Variants in OR3A2 observed in about 807,000 individuals in gnomAD.
OR3A2 encodes olfactory receptor 3A2.
For missense variants in OR3A2, 318 were observed against 392.8 expected, an observed-to-expected ratio of 0.81 and a Z score of 1.61; for synonymous variants, 126 against 159.3, an observed-to-expected ratio of 0.79 and a Z score of 1.57.
intron 3 of OR3A2, chr17:3,310,908 C>T (rs748758706): frequency 1.7e-5 from 12 of 710,478 alleles, no homozygotes; most frequent in South Asian, 1.6e-4. Flanking sequence ...TCTCAATGGG[C>T]AGTTGCTGTT....
At chr17:3,357,650 A>T (rs1291578163) in intron 2 of OR3A2, among the ~76,000 whole-genome samples, 2 of 151,628 alleles carry the variant, frequency 1.3e-5, no homozygotes, top group East Asian at 3.9e-4. Context: ...TGATGGCTGC[A>T]GAACATTGTG....
At chr17:3,358,079 G>T (rs1243884479) in intron 2 of OR3A2, among the ~76,000 whole-genome samples, 2 of 151,520 alleles carry the variant, frequency 1.3e-5, no homozygotes, top group African/African-American at 2.4e-5. Flanking sequence ...TGTACTACTG[G>T]CAGGCTCATT....
intron 2 of OR3A2, among the ~76,000 whole-genome samples, chr17:3,358,970 T>A (rs1187521130): frequency 6.6e-6 from 1 of 151,754 alleles, no homozygotes; most frequent in Non-Finnish European, 1.5e-5. Flanking sequence ...TCCTGTGTTG[T>A]GTGCATATAT....
chr17:3,304,981 A>G (rs2048989657), intron 3 of OR3A2, among the ~76,000 whole-genome samples: 1 of 152,198 alleles, frequency 6.6e-6, no homozygotes. Flanking sequence ...AATCAGAACA[A>G]TAATTGTTTT....
chr17:3,348,701 G>C, intron 2 of OR3A2, among the ~76,000 whole-genome samples: 1 of 151,962 alleles, frequency 6.6e-6, no homozygotes, highest in Non-Finnish European at 1.5e-5. Flanking sequence ...TACTCCTCGA[G>C]AAGAGCAACT....
At chr17:3,364,478 A>T (rs2049546352) in intron 2 of OR3A2, among the ~76,000 whole-genome samples, 1 of 152,150 alleles carries the variant, frequency 6.6e-6, no homozygotes, top group Non-Finnish European at 1.5e-5. Context: ...CTTTTGACCA[A>T]TGCCCCCCAT....
intron 3 of OR3A2, among the ~76,000 whole-genome samples, chr17:3,301,718 G>T (rs1160887781): frequency 6.6e-6 from 1 of 152,026 alleles, no homozygotes; most frequent in East Asian, 1.9e-4. Flanking sequence ...GTCAATTTTG[G>T]CTTTTGTTGC....
At chr17:3,293,137 A>G (rs2048890418) in intron 3 of OR3A2, among the ~76,000 whole-genome samples, 1 of 145,120 alleles carries the variant, frequency 6.9e-6, no homozygotes. Context: ...TAAGAGTTAA[A>G]TGAGTATAAT....
intron 2 of OR3A2, among the ~76,000 whole-genome samples, chr17:3,376,217 T>A (rs536617708): frequency 6.6e-6 from 1 of 152,222 alleles, no homozygotes; most frequent in Non-Finnish European, 1.5e-5. Flanking sequence ...TGGCTTTAGA[T>A]TGTTGGCCCC....
At chr17:3,295,141 G>A (rs2048909302) in intron 3 of OR3A2, among the ~76,000 whole-genome samples, 1 of 151,944 alleles carries the variant, frequency 6.6e-6, no homozygotes, top group African/African-American at 2.4e-5. Flanking sequence ...ATCTCAAAAG[G>A]TAAAATGTTT....
chr17:3,337,996 G>A (rs1174766609), intron 2 of OR3A2, among the ~76,000 whole-genome samples: 1 of 152,158 alleles, frequency 6.6e-6, no homozygotes, highest in Admixed American at 6.5e-5. Flanking sequence ...ATCTCATTGT[G>A]GTTTTGATTT....
intron 2 of OR3A2, among the ~76,000 whole-genome samples, chr17:3,367,684 T>C (rs557529440): frequency 2.6e-5 from 4 of 151,234 alleles, no homozygotes; most frequent in Non-Finnish European, 4.4e-5. Flanking sequence ...ATTTTTGCAA[T>C]TGTGAATTGT....
intron 2 of OR3A2, among the ~76,000 whole-genome samples, chr17:3,357,785 T>C (rs1365359950): frequency 6.6e-6 from 1 of 151,712 alleles, no homozygotes; most frequent in African/African-American, 2.4e-5. Flanking sequence ...ACTCCTGGCC[T>C]GAAGCAATCC....
chr17:3,368,215 C>T (rs562593536), intron 2 of OR3A2, among the ~76,000 whole-genome samples: 52 of 152,248 alleles, frequency 3.4e-4, no homozygotes, highest in Non-Finnish European at 6.3e-4. Flanking sequence ...ATTTCTTTCG[C>T]GGTGCATAAG....
rs1429072041 is a variant in OR3A2 at position 3,306,694 on chromosome 17, A to AAAC, written c.-84-27542_-84-27541insGTT. On this transcript the variant is annotated intron_variant, in intron 3 of 4. Transcript: ENST00000573491. ...TACTACTCTTCAAAAAAAAAAAAAAAACCGTAACCCCTTTTATTTTCTCCA... is the reference window on the plus strand; with the variant it reads ...TACTACTCTTCAAAAAAAAAAAAAAAAACACCGTAACCCCTTTTATTTTCTCCA... Among the ~76,000 whole-genome samples, 131 of 118,244 alleles carry AAAC rather than the reference A, an allele frequency of 1.1e-3. 6 individuals are homozygous for AAAC. The highest frequency in any genetic ancestry group is 4.0e-3 in the African/African-American group (118 of 29,512). 77.6% of individuals were successfully genotyped at this position (118,244 alleles called of 152,430 possible). A position where few individuals can be genotyped will look rare whatever the true frequency, so the allele number is the denominator to read the frequency against.
At chr17:3,278,385 T>C (rs779210612) in exon 2 of OR3A2, 14 of 1,614,040 alleles carry the variant, frequency 8.7e-6, no homozygotes, top group East Asian at 4.5e-5. Flanking sequence ...GTAGAAGTGA[T>C]TGACCTCATT....
chr17:3,325,714 T>A (rs1452247993), intron 3 of OR3A2, among the ~76,000 whole-genome samples: 1 of 152,146 alleles, frequency 6.6e-6, no homozygotes, highest in Non-Finnish European at 1.5e-5. Flanking sequence ...CTCAGCCTTT[T>A]GGTTAAGATC....
chr17:3,343,364 G>C lies in OR3A2; in HGVS notation c.-178-7238C>G, dbSNP rs143042319. Among the ~76,000 whole-genome samples the C allele has an allele frequency of 3.9e-4, 60 of 152,290 alleles. No homozygotes were observed. The East Asian group carries it at 0.011, about 28-fold the overall frequency. ...CGATCATGCTGGAAGCTGTAGACCA[G>C]AGCTGTTCCTATTCAGCCATCTTGA... On this transcript the variant is annotated intron_variant, in intron 2 of 4. Transcript: ENST00000573491.
At chr17:3,298,458 GC>G (rs1248393244) in intron 3 of OR3A2, 2 of 152,200 alleles carry the variant, frequency 1.3e-5, no homozygotes, top group African/African-American at 4.8e-5. Flanking sequence ...ATGGGTCCAG[GC>G]AGGAAGGTTG....
Sources: gnomAD v4.1 joint callset for allele counts (sites outside exome capture counted in the v4.1 genomes callset) on GRCh38, gnomAD v4.1.1 for gene constraint, MANE v1.5 for transcripts, NCBI Gene and HGNC (gene_info 2026-07-23, HGNC 2026-07-21) for gene names.